Variants in ACTL6B observed in about 807,000 individuals in gnomAD.
ACTL6B encodes actin like 6B.
ACTL6B carries 48 observed loss-of-function variants against 63.3 expected under a neutral mutation model. The observed-to-expected ratio is 0.76, with a 90% CI of 0.60 to 0.96. The LOEUF (loss-of-function observed/expected upper bound fraction) is 0.96, where lower values mean the gene tolerates loss of function less well. Ranked by LOEUF, ACTL6B falls within the 50% of genes least tolerant of loss-of-function variation. ACTL6B has a pLI of 0.00. For missense variants in ACTL6B, 350 were observed against 572.2 expected (o/e 0.61, Z 3.96); for synonymous variants, 230 against 223.8 (o/e 1.03, Z -0.25).
intron 13 of ACTL6B, among the ~76,000 whole-genome samples, chr7:100,645,508 T>C (rs569194903): frequency 2.6e-5 from 4 of 152,226 alleles, no homozygotes; most frequent in Admixed American, 2.0e-4. Flanking sequence ...TTTCCAATCA[T>C]GCCTGCATTG....
intron 13 of ACTL6B, 104 bp from the exon 14 acceptor site, chr7:100,643,430 G>A: frequency 1.7e-6 from 2 of 1,168,836 alleles, no homozygotes; most frequent in African/African-American, 3.0e-5. Flanking sequence ...ACCACCCCTT[G>A]GGTTCACATC....
At chr7:100,656,125 C>A (rs1804035876) in intron 1 of ACTL6B, among the ~76,000 whole-genome samples, 1 of 152,196 alleles carries the variant, frequency 6.6e-6, no homozygotes, top group African/African-American at 2.4e-5. Flanking sequence ...GGGCCCGGGG[C>A]CAGGTGGAGG....
Position 100,647,440 on chromosome 7 carries a change from T to C in ACTL6B, c.759+4A>G, listed in dbSNP as rs1562848547. On this transcript the variant is annotated splice_donor_region_variant and intron_variant, in intron 8 of 13. Coordinates refer to ENST00000160382, the MANE Select transcript of ACTL6B (RefSeq NM_016188.5). This position sits in a 1 kb window ranked among gnomAD's most constrained non-coding sequence, Gnocchi z 4.4. ...GTTTCAGGTGGCCCTCTCCAGAGGC[T>C]CACATTACACATGTAGTTATGCCAG... 1 of 1,612,542 alleles carries C rather than the reference T, an allele frequency of 6.2e-7. No homozygotes were observed.
chr7:100,643,384 C>CA, intron 13 of ACTL6B, 58 bp from the exon 14 acceptor site: 1 of 1,575,768 alleles, frequency 6.3e-7, no homozygotes, highest in South Asian at 1.1e-5. Context: ...TGTGGACAGG[C>CA]AGGTGCAGCC....
At chr7:100,652,123 G>T in intron 4 of ACTL6B, among the ~76,000 whole-genome samples, 1 of 152,122 alleles carries the variant, frequency 6.6e-6, no homozygotes, top group East Asian at 1.9e-4. Flanking sequence ...GAGAGGCCAG[G>T]TGTGGTGGCT....
In ACTL6B at chr7:100,647,296, G is replaced by T. The variant is rs767828491; in HGVS notation, c.760-12C>A. 9.3e-6 allele frequency: 15 copies of T among 1,613,206 alleles called. No individual in the cohort carries two copies. Among genetic ancestry groups the T allele is most frequent in the Non-Finnish European group, 1.3e-5 (15 of 1,179,870 alleles). The stretch of plus-strand genomic sequence containing the variant: ...TCCTGGATCACCTCCTGAAATCCCA[G>T]CGGAGGTGGTGAGGGCCTGCCTTCC... On this transcript the variant is annotated splice_polypyrimidine_tract_variant and intron_variant, in intron 8 of 13. Coordinates refer to ENST00000160382, the MANE Select transcript of ACTL6B (RefSeq NM_016188.5). The surrounding 1 kb of genome is among the most constrained non-coding windows in gnomAD (Gnocchi z 4.4).
At position 100,643,107 on chromosome 7, in the gene ACTL6B, T is replaced by G. The variant is rs1271783989; in HGVS notation, c.*139A>C. 4.9e-6 allele frequency: 5 copies of G among 1,012,406 alleles called. No homozygotes were observed. Among genetic ancestry groups the G allele is most frequent in the Non-Finnish European group, 7.4e-6 (5 of 678,042 alleles). 62.7% of individuals were successfully genotyped at this position (1,012,406 alleles called of 1,614,324 possible). On this transcript the variant is annotated 3_prime_UTR_variant, in exon 14 of 14. Coordinates refer to ENST00000160382, the MANE Select transcript of ACTL6B (RefSeq NM_016188.5). ...CCACGGAGGCCAAACTTTTTTTTCT[T>G]AAAACATTTTTACTTCTTTCAACCC...
rs1165490554 is a variant in ACTL6B, at chr7:100,647,240, G to A, written c.804C>T (p.Asp268=). The A allele has an allele frequency of 1.2e-6, 2 of 1,613,428 alleles. No homozygotes were observed. The highest frequency in any genetic ancestry group is 1.7e-6 in the Non-Finnish European group (2 of 1,179,948). Residue 268 remains aspartate, a synonymous_variant, in exon 9 of 14, where the codon GAC becomes GAT. Transcript: ENST00000160382. This position sits in a 1 kb window ranked among gnomAD's most constrained non-coding sequence, Gnocchi z 4.4. Reference sequence around the variant, plus strand: ...ACACTCACTGTTCATCGTAGGGGGAGTCTGAGACCTGCAGCACGGAGGCCT... The same window carrying A: ...ACACTCACTGTTCATCGTAGGGGGAATCTGAGACCTGCAGCACGGAGGCCT... ...DFQASVLQVS[D]SPYDEQVAAQ... is the part of the protein sequence containing the mutation.
rs746348574 is a variant in ACTL6B, at chr7:100,646,859, G to T, written c.937-28C>A. On this transcript the variant is annotated intron_variant, in intron 10 of 13. Transcript: ENST00000160382. This position sits in a 1 kb window ranked among gnomAD's most constrained non-coding sequence, Gnocchi z 6.1. ...GCAGAGAGAGGTGACTGGGGCTGTGGGCTCTCTCCCCCTTCCCCCCAGACC... is the reference window on the plus strand; with the variant it reads ...GCAGAGAGAGGTGACTGGGGCTGTGTGCTCTCTCCCCCTTCCCCCCAGACC... 2.5e-6 allele frequency: 4 copies of T among 1,606,326 alleles called. No homozygotes were observed. The highest frequency in any genetic ancestry group is 3.4e-6 in the Non-Finnish European group (4 of 1,176,090).
At position 100,655,838 on chromosome 7, in the gene ACTL6B, C is replaced by G. The variant is rs750428571; in HGVS notation, c.67G>C (p.Val23Leu). 1.3e-6 allele frequency: 2 copies of G among 1,576,620 alleles called. No individual in the cohort carries two copies. The highest frequency in any genetic ancestry group is 1.7e-6 in the Non-Finnish European group (2 of 1,160,720). ...TCCTCCCCAGCGTACCCAGCGCGGA[C>G]TGAGAAGGAGCCAATGTCAAAGACC... The part of the protein sequence containing the change: ...ALVFDIGSFS[V>L]RAGYAGEDCP... Residue 23 changes from valine to leucine, a missense_variant, in exon 2 of 14, where the codon GTC (valine) becomes CTC (leucine). Physicochemically the swap from Val to Leu is conservative, Grantham distance 32 (BLOSUM62 1). Coordinates refer to ENST00000160382, the MANE Select transcript of ACTL6B (RefSeq NM_016188.5). The surrounding 1 kb of genome is among the most constrained non-coding windows in gnomAD (Gnocchi z 4.4).
intron 13 of ACTL6B, among the ~76,000 whole-genome samples, chr7:100,645,280 C>G (rs1330555487): frequency 6.6e-6 from 1 of 152,238 alleles, no homozygotes; most frequent in Middle Eastern, 3.4e-3. Flanking sequence ...GCTCCCTGCT[C>G]AGTACCTTCC....
rs533519001 is a variant in ACTL6B, at chr7:100,647,683, A to C, written c.670-150T>G. ...GGGGTTTCTCACCCTTCCCTGATGG[A>C]GAGGAGAGAGAATGGGGCATGCCTC... On this transcript the variant is annotated intron_variant, in intron 7 of 13. Transcript: ENST00000160382. This position sits in a 1 kb window ranked among gnomAD's most constrained non-coding sequence, Gnocchi z 4.4. 1.7e-5 allele frequency: 10 copies of C among 602,714 alleles called. No homozygotes were observed. In the East Asian group the frequency reaches 2.5e-4, roughly 15 times the overall value. The allele number at this position is 602,714 out of a possible 1,614,324, so 37.3% of individuals were successfully genotyped here. A position where few individuals can be genotyped will look rare whatever the true frequency, so the allele number is the denominator to read the frequency against.
Position 100,646,190 on chromosome 7 carries a change from C to T in ACTL6B, c.1200+59G>A. 1 of 1,426,848 alleles carries T rather than the reference C, an allele frequency of 7.0e-7. No homozygotes were observed. The highest frequency in any genetic ancestry group is 9.7e-7 in the Non-Finnish European group (1 of 1,033,320). 88.4% of individuals were successfully genotyped at this position (1,426,848 alleles called of 1,614,324 possible). ...GAAGAGGCAGTCAAAGTGGCGGGCACTGTCTGGGTCTCCCCTCTCCCCCAC... is the reference window on the plus strand; with the variant it reads ...GAAGAGGCAGTCAAAGTGGCGGGCATTGTCTGGGTCTCCCCTCTCCCCCAC... On this transcript the variant is annotated intron_variant, in intron 13 of 13. Transcript: ENST00000160382. This position sits in a 1 kb window ranked among gnomAD's most constrained non-coding sequence, Gnocchi z 6.1.
rs901605012 is a variant in ACTL6B, at chr7:100,650,635, G to A, written c.370-500C>T. Among the ~76,000 whole-genome samples the A allele has an allele frequency of 2.0e-5, 3 of 152,026 alleles. No individual in the cohort carries two copies. The South Asian group carries it at 6.2e-4, about 32-fold the overall frequency. On this transcript the variant is annotated intron_variant, in intron 4 of 13. Coordinates refer to ENST00000160382, the MANE Select transcript of ACTL6B (RefSeq NM_016188.5). ...GAGGATTGCTTGAACCCAGGAGTTC[G>A]AAACTAGCCTGGACAACATAGTGAG...
Position 100,647,408 on chromosome 7 carries a change from G to A in ACTL6B, c.759+36C>T, listed in dbSNP as rs771181055. 5.6e-6 allele frequency: 9 copies of A among 1,602,808 alleles called. No homozygotes were observed. In the South Asian group the frequency reaches 8.8e-5, roughly 16 times the overall value. On this transcript the variant is annotated intron_variant, in intron 8 of 13. Coordinates refer to ENST00000160382, the MANE Select transcript of ACTL6B (RefSeq NM_016188.5). The surrounding 1 kb of genome is among the most constrained non-coding windows in gnomAD (Gnocchi z 4.4). ...GTCCCGCCCCCGATTCATGGCAGGG[G>A]AGGGGGGTTTCAGGTGGCCCTCTCC...
intron 4 of ACTL6B, among the ~76,000 whole-genome samples, chr7:100,651,566 T>G (rs986209819): frequency 4.7e-4 from 70 of 149,332 alleles, no homozygotes; most frequent in African/African-American, 1.6e-3. Flanking sequence ...AAAAAAAAAG[T>G]TTTTTTTTAG....
In ACTL6B at chr7:100,650,087, GCTCGAA is replaced by G; in HGVS notation, c.412_417del (p.Phe138_Glu139del). 5 of 1,613,976 alleles carry G rather than the reference GCTCGAA, an allele frequency of 3.1e-6. No homozygotes were observed. Among genetic ancestry groups the G allele is most frequent in the Non-Finnish European group, 4.2e-6 (5 of 1,179,990 alleles). On this transcript the variant is annotated inframe_deletion, in exon 5 of 14. Coordinates refer to ENST00000160382, the MANE Select transcript of ACTL6B (RefSeq NM_016188.5). Reference sequence around the variant, plus strand: ...AAGAAGAAGGCAGGAATGTTGTACTGCTCGAACATCAGCTCTGTCAGCTTCTCCCGC... The same window carrying G: ...AAGAAGAAGGCAGGAATGTTGTACTGCATCAGCTCTGTCAGCTTCTCCCGC...
Position 100,647,564 on chromosome 7 carries a change from C to G in ACTL6B, c.670-31G>C. On this transcript the variant is annotated intron_variant, in intron 7 of 13. Transcript: ENST00000160382. This position sits in a 1 kb window ranked among gnomAD's most constrained non-coding sequence, Gnocchi z 4.4. ...GGGGCACAGTGTAGGAACACCCTTT[C>G]CTAGCCCACCTGACCCCCACCCCCA... 6.7e-7 allele frequency: 1 copy of G among 1,494,646 alleles called. No individual in the cohort carries two copies. The highest frequency in any genetic ancestry group is 1.4e-5 in the African/African-American group (1 of 71,784). 92.6% of individuals were successfully genotyped at this position (1,494,646 alleles called of 1,614,324 possible).
At position 100,646,396 on chromosome 7, in the gene ACTL6B, G is replaced by C. The variant is rs374641251; in HGVS notation, c.1114-61C>G. 1 of 1,583,844 alleles carries C rather than the reference G, an allele frequency of 6.3e-7. No homozygotes were observed. The highest frequency in any genetic ancestry group is 8.6e-7 in the Non-Finnish European group (1 of 1,158,284). ...TAGGTTCTGGGAAGGGACAGGGCTT[G>C]GGGGAGAGGGGAAGACTTGGGAAGC... is the stretch of plus-strand genomic sequence containing the variant. On this transcript the variant is annotated intron_variant, in intron 12 of 13. Coordinates refer to ENST00000160382, the MANE Select transcript of ACTL6B (RefSeq NM_016188.5). This position sits in a 1 kb window ranked among gnomAD's most constrained non-coding sequence, Gnocchi z 6.1.
Sources: gnomAD v4.1 joint callset for allele counts (sites outside exome capture counted in the v4.1 genomes callset) on GRCh38, gnomAD v4.1.1 for gene constraint, Gnocchi (gnomAD v3.1) non-coding constraint, MANE v1.5 for transcripts, NCBI Gene and HGNC (gene_info 2026-07-23, HGNC 2026-07-21) for gene names.